Variants in SLC9A8 observed in about 807,000 individuals in gnomAD.
SLC9A8 encodes solute carrier family 9 member A8.
SLC9A8 carries 48 observed loss-of-function variants against 66.6 expected under a neutral mutation model. The observed-to-expected ratio is 0.72, with a 90% confidence interval of 0.57 to 0.92. The LOEUF is 0.92. SLC9A8 is among the 40% of genes least tolerant of loss of function. The pLI is 0.00. For missense variants in SLC9A8, 599 were observed against 747.3 expected (o/e 0.80, Z 2.31); for synonymous variants, 274 against 282.6 (o/e 0.97, Z 0.31).
intron 8 of SLC9A8, among the ~76,000 whole-genome samples, chr20:49,857,234 C>T (rs2088533350): frequency 6.6e-6 from 1 of 152,216 alleles, no homozygotes; most frequent in Non-Finnish European, 1.5e-5. Flanking sequence ...TCTTAGAGGC[C>T]AGTGTGTGTT....
At position 49,849,597 on chromosome 20, in the gene SLC9A8, AT is replaced by A. The variant is rs766626125; in HGVS notation, c.453del (p.Ile151MetfsTer18). The A allele has an allele frequency of 6.2e-7, 1 of 1,613,174 alleles. No homozygotes were observed. The highest frequency in any genetic ancestry group is 8.5e-7 in the Non-Finnish European group (1 of 1,179,184). On this transcript the variant is annotated frameshift_variant, in exon 6 of 16. Coordinates refer to ENST00000361573, the MANE Select transcript of SLC9A8 (RefSeq NM_015266.3). LOFTEE classifies it high-confidence loss of function. ...CAAACAGGGTAACTTCTTTCAAAATATTGGTTCCATCACCCTGTTTGCTGTT... is the reference window on the plus strand; with the variant it reads ...CAAACAGGGTAACTTCTTTCAAAATATGGTTCCATCACCCTGTTTGCTGTT... Reference protein sequence around the residue: ...SLHKGNFFQNIGSITLFAVFG... With the variant: ...SLHKGNFFQNXGSITLFAVFG...
At chr20:49,830,043 C>T (rs1195943587) in intron 3 of SLC9A8, 11 of 675,164 alleles carry the variant, frequency 1.6e-5, no homozygotes, top group South Asian at 4.1e-5. Context: ...AAATGGCAGC[C>T]GACCAGAAGC....
intron 8 of SLC9A8, among the ~76,000 whole-genome samples, chr20:49,857,456 G>A (rs1478653980): frequency 6.6e-6 from 1 of 152,202 alleles, no homozygotes; most frequent in Admixed American, 6.5e-5. Flanking sequence ...GGTGGCTCAC[G>A]CCTGTAATCC....
At chr20:49,876,981 TC>T (rs1262045589) in intron 11 of SLC9A8, among the ~76,000 whole-genome samples, 1 of 152,084 alleles carries the variant, frequency 6.6e-6, no homozygotes, top group Admixed American at 6.6e-5. Flanking sequence ...CTGTTTGTGA[TC>T]AACTATTTTA....
Position 49,882,527 on chromosome 20 carries a change from C to T in SLC9A8, c.1271-1319C>T, listed in dbSNP as rs566544304. Among the ~76,000 whole-genome samples the T allele has an allele frequency of 3.3e-5, 5 of 152,334 alleles. No homozygotes were observed. In the South Asian group the frequency reaches 1.0e-3, roughly 32 times the overall value. The stretch of plus-strand genomic sequence containing the variant: ...CCAGCCCCACTTCTGTTCACGTGTT[C>T]TGCACTTCACTGAGTGCGCTCACCC... On this transcript the variant is annotated intron_variant, in intron 13 of 15. Transcript: ENST00000361573.
Position 49,887,826 on chromosome 20 carries a change from C to G in SLC9A8, c.1639-3C>G. On this transcript the variant is annotated splice_region_variant and splice_polypyrimidine_tract_variant and intron_variant, in intron 15 of 15. Coordinates refer to ENST00000361573, the MANE Select transcript of SLC9A8 (RefSeq NM_015266.3). ...GACGGCTTGGTTGTGTCTCTCGACC[C>G]AGGACCTGCACCACGGGCGCATCCA... 6.3e-7 allele frequency: 1 copy of G among 1,598,648 alleles called. No homozygotes were observed. Among genetic ancestry groups the G allele is most frequent in the Non-Finnish European group, 8.5e-7 (1 of 1,171,088 alleles).
chr20:49,828,555 G>T (rs1319586481), intron 3 of SLC9A8, among the ~76,000 whole-genome samples: 1 of 145,630 alleles, frequency 6.9e-6, no homozygotes, highest in Non-Finnish European at 1.5e-5. Flanking sequence ...AAAAAAAAAA[G>T]GGCCTGGCAC....
chr20:49,859,721 T>A (rs1264160386), intron 8 of SLC9A8, among the ~76,000 whole-genome samples: 1 of 152,200 alleles, frequency 6.6e-6, no homozygotes, highest in Non-Finnish European at 1.5e-5. Context: ...GTAACTTGAA[T>A]TCATTTTCAG....
At chr20:49,874,497 C>A (rs1159988745) in intron 10 of SLC9A8, among the ~76,000 whole-genome samples, 6 of 152,192 alleles carry the variant, frequency 3.9e-5, no homozygotes. Context: ...TGTAATGTGG[C>A]TCAAGGTCAC....
intron 7 of SLC9A8, among the ~76,000 whole-genome samples, chr20:49,853,684 GTC>G (rs1219987236): frequency 6.6e-6 from 1 of 152,150 alleles, no homozygotes; most frequent in Non-Finnish European, 1.5e-5. Flanking sequence ...TTCTGCAAGT[GTC>G]TCTGGGCCAT....
intron 8 of SLC9A8, among the ~76,000 whole-genome samples, chr20:49,856,515 A>G (rs769009595): frequency 2.0e-5 from 3 of 152,194 alleles, no homozygotes; most frequent in South Asian, 2.1e-4. Flanking sequence ...AAAGATGAAT[A>G]ATAAAATGTC....
Position 49,862,929 on chromosome 20 carries a change from C to A in SLC9A8, c.714C>A (p.Asn238Lys). The A allele has an allele frequency of 6.2e-7, 1 of 1,607,594 alleles. No homozygotes were observed. ...LNDAVSIVLT[N>K]TAEGLTRKNM... ...ATTTCTGTTTTCTTTCATTTCCTAG[C>A]ACAGCTGAAGGTTTAACAAGAAAAA... is the stretch of plus-strand genomic sequence containing the variant. The change falls in exon 9 of 16, where the codon AAC becomes AAA. Residue 238 changes from asparagine to lysine, a missense_variant and splice_region_variant. This residue lies in a region of SLC9A8 where 467 missense variants were observed against 626.5 expected (regional missense o/e 0.75). Transcript: ENST00000361573.
chr20:49,881,062 T>G, intron 13 of SLC9A8, 27 bp downstream of exon 13: 2 of 1,522,178 alleles, frequency 1.3e-6, no homozygotes, highest in Non-Finnish European at 1.8e-6. Flanking sequence ...ATAAATGGGG[T>G]GGGGAAGTAC....
chr20:49,880,187 C>T (rs1322325680), intron 12 of SLC9A8, among the ~76,000 whole-genome samples: 1 of 149,344 alleles, frequency 6.7e-6, no homozygotes, highest in East Asian at 1.9e-4. Flanking sequence ...TCACTGGAGC[C>T]CAGGAGGTTG....
At chr20:49,837,883 T>G (rs1306800314) in intron 3 of SLC9A8, among the ~76,000 whole-genome samples, 1 of 152,136 alleles carries the variant, frequency 6.6e-6, no homozygotes, top group Non-Finnish European at 1.5e-5. Context: ...CTGTGTGGCA[T>G]TTTTATACTA....
intron 3 of SLC9A8, among the ~76,000 whole-genome samples, chr20:49,834,173 CTCTCTCTCTCTCTATATATATA>C (rs1342532952): frequency 1.3e-4 from 8 of 59,544 alleles, no homozygotes; most frequent in Non-Finnish European, 1.3e-4. Flanking sequence ...CTCTCTCTCT[CTCTCTCTCTCTCTATATATATA>C]TATATATATA....
intron 3 of SLC9A8, among the ~76,000 whole-genome samples, chr20:49,827,360 T>G (rs949205024): frequency 1.3e-5 from 2 of 150,864 alleles, no homozygotes; most frequent in Non-Finnish European, 3.0e-5. Flanking sequence ...CCCAGCACTT[T>G]GGGAGGCCGA....
intron 3 of SLC9A8, among the ~76,000 whole-genome samples, chr20:49,834,299 CTATA>C (rs1175697072): frequency 3.7e-5 from 5 of 135,554 alleles, no homozygotes; most frequent in Admixed American, 7.9e-5. Flanking sequence ...TATACACACA[CTATA>C]TATACAGTGT....
chr20:49,884,244 CACACACACACACACG>C (rs2089763289), intron 14 of SLC9A8, 178 bp downstream of exon 14: 51 of 98,158 alleles, frequency 5.2e-4, no homozygotes, highest in Non-Finnish European at 7.3e-4. Context: ...ACACACACGA[CACACACACACACACG>C]ACACACACAC....
Sources: allele counts gnomAD v4.1 joint callset (sites outside exome capture counted in the v4.1 genomes callset), GRCh38; gene constraint gnomAD v4.1.1; regional missense constraint gnomAD v4.1.1; transcripts MANE v1.5; gene names NCBI Gene and HGNC (gene_info 2026-07-23, HGNC 2026-07-21).